SLK: variants seen among roughly 807,000 people sequenced by gnomAD.
SLK encodes STE20-like serine/threonine-protein kinase.
In SLK, 67 loss-of-function variants were observed where a neutral mutation model predicts 147.7. The observed-to-expected ratio is 0.45, with a 90% confidence interval of 0.37 to 0.56. SLK has a LOEUF of 0.56. Among genes scored for constraint, SLK ranks in the 20% least tolerant of loss-of-function variants. The pLI is 0.00. For synonymous variants in SLK, 441 were observed against 475.0 expected, an observed-to-expected ratio of 0.93 and a Z score of 0.93; for missense variants, 1,136 against 1,438.8, an observed-to-expected ratio of 0.79 and a Z score of 3.41.
rs1844631565 is a variant in SLK, at chr10:104,028,893, T to C, written c.*3173T>C. ...AATAGTCTTTTGATTAACAATTCTT[T>C]TCTGAGAAATGATTTTTATAAGAAA... is the stretch of plus-strand genomic sequence containing the variant. On this transcript the variant is annotated 3_prime_UTR_variant, in exon 19 of 19. Coordinates refer to ENST00000369755, the MANE Select transcript of SLK (RefSeq NM_014720.4). 1 of 152,236 alleles carries C rather than the reference T, an allele frequency of 6.6e-6. No individual in the cohort carries two copies. Among genetic ancestry groups the C allele is most frequent in the Non-Finnish European group, 1.5e-5 (1 of 68,042 alleles). The allele number at this position is 152,236 out of a possible 1,614,324, so 9.4% of individuals were successfully genotyped here. A position where few individuals can be genotyped will look rare whatever the true frequency, so the allele number is the denominator to read the frequency against.
At chr10:104,014,404 CTG>C (rs1564662482) in intron 13 of SLK, among the ~76,000 whole-genome samples, 1 of 152,154 alleles carries the variant, frequency 6.6e-6, no homozygotes, top group Non-Finnish European at 1.5e-5. Context: ...TCATTTAACA[CTG>C]TAATTTTTGT....
chr10:103,978,984 A>G (rs1427061594), intron 1 of SLK, among the ~76,000 whole-genome samples: 2 of 145,718 alleles, frequency 1.4e-5, no homozygotes, highest in Non-Finnish European at 3.0e-5. Flanking sequence ...TTTTAAAGAA[A>G]TGTACTGGAA....
intron 11 of SLK, among the ~76,000 whole-genome samples, 184 bp downstream of exon 11, chr10:104,006,219 T>C (rs1015126008): frequency 2.6e-5 from 4 of 152,234 alleles, no homozygotes; most frequent in African/African-American, 9.6e-5. Context: ...TATTGATTTA[T>C]TCTTTTTTCT....
intron 13 of SLK, among the ~76,000 whole-genome samples, chr10:104,013,806 G>T (rs1769525871): frequency 6.6e-6 from 1 of 152,178 alleles, no homozygotes. Context: ...CTAGATGATT[G>T]ATACATGATA....
intron 1 of SLK, among the ~76,000 whole-genome samples, chr10:103,970,528 T>A (rs1350380569): frequency 6.6e-6 from 1 of 152,234 alleles, no homozygotes; most frequent in Non-Finnish European, 1.5e-5. Context: ...TTCACTACTC[T>A]CTGCTTCTAA....
rs766359411 is a variant in SLK, at chr10:104,025,911, G to A, written c.*191G>A. On this transcript the variant is annotated 3_prime_UTR_variant, in exon 19 of 19. Transcript: ENST00000369755. Reference sequence around the variant, plus strand: ...GAAGGGAAAACGAACTAAGACAGACGCTAGGCCATGTTGGCAAAGTAGCAT... The same window carrying A: ...GAAGGGAAAACGAACTAAGACAGACACTAGGCCATGTTGGCAAAGTAGCAT... 4.5e-5 allele frequency: 21 copies of A among 466,154 alleles called. No individual in the cohort carries two copies. The highest frequency in any genetic ancestry group is 1.6e-4 in the South Asian group (3 of 19,166). 28.9% of individuals were successfully genotyped at this position (466,154 alleles called of 1,614,324 possible).
At chr10:103,972,851 GTGT>G (rs1380440786) in intron 1 of SLK, among the ~76,000 whole-genome samples, 1 of 151,980 alleles carries the variant, frequency 6.6e-6, no homozygotes, top group Non-Finnish European at 1.5e-5. Context: ...TTCTTCTTTT[GTGT>G]TCAAGTCTCT....
At position 103,967,900 on chromosome 10, in the gene SLK, GA is replaced by G. The variant is rs779682992; in HGVS notation, c.150+6del. 2.9e-5 allele frequency: 10 copies of G among 339,252 alleles called. No homozygotes were observed. Among genetic ancestry groups the G allele is most frequent in the Non-Finnish European group, 3.6e-5 (8 of 224,330 alleles). 21.0% of individuals were successfully genotyped at this position (339,252 alleles called of 1,614,324 possible). ...GCCTTTGGGAAAGTGTACAAGGTAA[GA>G]GGGGGAAAACGGGAAGTTGTACTGC... On this transcript the variant is annotated splice_donor_region_variant and intron_variant, in intron 1 of 18. Transcript: ENST00000369755.
At chr10:103,999,042 C>G (rs1044528103) in intron 5 of SLK, 71 bp downstream of exon 5, 1 of 1,535,734 alleles carries the variant, frequency 6.5e-7, no homozygotes, top group Admixed American at 1.8e-5. Context: ...GAATTTTTGT[C>G]CACATAATTG....
At chr10:103,968,397 C>T (rs78810154) in intron 1 of SLK, among the ~76,000 whole-genome samples, 2,002 of 152,224 alleles carry the variant, frequency 0.013, 44 homozygotes, top group African/African-American at 0.046. Context: ...GAGTTAGTTG[C>T]TTGACAGCAT....
In SLK at chr10:104,008,336, C is replaced by T; in HGVS notation, c.2764C>T (p.Leu922=). 7 of 1,608,708 alleles carry T rather than the reference C, an allele frequency of 4.4e-6. No individual in the cohort carries two copies. The highest frequency in any genetic ancestry group is 5.9e-6 in the Non-Finnish European group (7 of 1,177,950). ...AGAGTTGTCCAAATTTCAGAATATGCTGAAGAACCGAAAGAAGGAGGTAAG... is the reference window on the plus strand; with the variant it reads ...AGAGTTGTCCAAATTTCAGAATATGTTGAAGAACCGAAAGAAGGAGGTAAG... ...EKELSKFQNM[L]KNRKKEVINE... is the part of the protein sequence containing the mutation. Residue 922 remains leucine (L), a synonymous_variant, in exon 12 of 19, where the codon CTG becomes TTG. Coordinates refer to ENST00000369755, the MANE Select transcript of SLK (RefSeq NM_014720.4).
In SLK at chr10:103,976,856, T is replaced by TG. The variant is rs200341200; in HGVS notation, c.150+8962dup. ...TTTTAATAAGTGGAAACATACAATATGTATTCTTAATATGTATGGCTTTTT... is the reference window on the plus strand; with the variant it reads ...TTTTAATAAGTGGAAACATACAATATGGTATTCTTAATATGTATGGCTTTTT... On this transcript the variant is annotated intron_variant, in intron 1 of 18. Transcript: ENST00000369755. 8.1e-3 allele frequency among the ~76,000 whole-genome samples: 1,232 copies of TG among 152,342 alleles called. 13 individuals are homozygous for TG. Among genetic ancestry groups the TG allele is most frequent in the Admixed American group, 0.026 (404 of 15,304 alleles).
Position 104,018,231 on chromosome 10 carries a change from G to T in SLK, c.2949G>T (p.Lys983Asn). The change falls in exon 14 of 19, where the codon AAG becomes AAT. Residue 983 changes from lysine (K) to asparagine (N), a missense_variant. Lys to Asn is a moderately conservative substitution (Grantham distance 94). Coordinates refer to ENST00000369755, the MANE Select transcript of SLK (RefSeq NM_014720.4). ...GSLKKIIQQQ[K>N]AELANIEREC... ...TGAAAAAGATCATCCAGCAGCAGAA[G>T]GCAGAGTTAGCTAATATTGAGAGAG... 6.2e-7 allele frequency: 1 copy of T among 1,603,220 alleles called. No individual in the cohort carries two copies. Among genetic ancestry groups the T allele is most frequent in the South Asian group, 1.1e-5 (1 of 88,346 alleles).
chr10:103,999,282 G>C lies in SLK; in HGVS notation c.751G>C (p.Glu251Gln), dbSNP rs1367504864. 6.2e-7 allele frequency: 1 copy of C among 1,612,554 alleles called. No homozygotes were observed. The highest frequency in any genetic ancestry group is 8.5e-7 in the Non-Finnish European group (1 of 1,179,478). The stretch of plus-strand genomic sequence containing the variant: ...AGTGCTGCTAAAAATAGCAAAATCT[G>C]AGCCACCTACATTAGCACAGCCATC... ...MRVLLKIAKS[E>Q]PPTLAQPSRW... The change falls in exon 6 of 19, where the codon GAG becomes CAG. Residue 251 changes from glutamate (E) to glutamine (Q), a missense_variant. Around this residue, in one of 6 missense-constraint regions of SLK, gnomAD observed 141 missense variants for 219.3 expected, o/e 0.64. Transcript: ENST00000369755.
At chr10:104,007,174 C>T (rs1458732625) in intron 11 of SLK, among the ~76,000 whole-genome samples, 2 of 151,664 alleles carry the variant, frequency 1.3e-5, no homozygotes, top group Admixed American at 6.6e-5. Context: ...TAAAGTAGAC[C>T]TCAAATAAGC....
intron 4 of SLK, among the ~76,000 whole-genome samples, chr10:103,994,006 C>T (rs983836000): frequency 1.3e-5 from 2 of 151,864 alleles, no homozygotes; most frequent in African/African-American, 2.4e-5. Flanking sequence ...GGGATCCTTC[C>T]ACCTTATCCT....
At chr10:104,004,102 C>G (rs1325844927) in intron 9 of SLK, among the ~76,000 whole-genome samples, 2 of 152,018 alleles carry the variant, frequency 1.3e-5, no homozygotes, top group African/African-American at 4.8e-5. Flanking sequence ...AAAAAAAGAT[C>G]CCACAGAGTT....
chr10:103,998,623 G>A (rs1461187620), intron 4 of SLK, among the ~76,000 whole-genome samples: 1 of 152,098 alleles, frequency 6.6e-6, no homozygotes, highest in Admixed American at 6.5e-5. Flanking sequence ...TGCTTTTAGA[G>A]TTACCATTTT....
intron 2 of SLK, 127 bp from the exon 3 acceptor site, chr10:103,992,471 C>A: frequency 1.2e-6 from 1 of 812,338 alleles, no homozygotes; most frequent in Non-Finnish European, 1.9e-6. Flanking sequence ...TTTAGTATAT[C>A]GTTTCCATAA....
Sources: allele counts gnomAD v4.1 joint callset (sites outside exome capture counted in the v4.1 genomes callset), GRCh38; gene constraint gnomAD v4.1.1; regional missense constraint gnomAD v4.1.1; transcripts MANE v1.5; gene names NCBI Gene and HGNC (gene_info 2026-07-23, HGNC 2026-07-21).